Variants in CTNNA3 observed in about 807,000 individuals in gnomAD.
CTNNA3 encodes the protein catenin alpha-3.
A neutral mutation model predicts 95.7 loss-of-function variants in CTNNA3; 76 were observed. That is an observed-to-expected ratio of 0.79 (90% CI 0.66 to 0.96). CTNNA3 has a LOEUF of 0.96. Ranked by LOEUF, CTNNA3 falls within the 40% of genes least tolerant of loss-of-function variation. The pLI is 0.00. For synonymous variants in CTNNA3, 431 were observed against 374.4 expected (o/e 1.15, Z -1.74); for missense variants, 1,191 against 1,089.8 (o/e 1.09, Z -1.31).
At chr10:66,485,245 G>T (rs577329856) in intron 11 of CTNNA3, among the ~76,000 whole-genome samples, 1 of 152,184 alleles carries the variant, frequency 6.6e-6, no homozygotes, top group South Asian at 2.1e-4. Flanking sequence ...AATCAGGCAA[G>T]AAATTGTTTT....
intron 9 of CTNNA3, among the ~76,000 whole-genome samples, chr10:66,653,016 C>T (rs943564924): frequency 2.0e-5 from 3 of 152,050 alleles, no homozygotes; most frequent in Non-Finnish European, 4.4e-5. Flanking sequence ...TATGACAAAT[C>T]CATGGCTAAT....
intron 12 of CTNNA3, among the ~76,000 whole-genome samples, chr10:66,378,446 C>A (rs1168174470): frequency 6.6e-6 from 1 of 152,130 alleles, no homozygotes; most frequent in African/African-American, 2.4e-5. Flanking sequence ...GGAAGGAGTT[C>A]TGCTATCATG....
At chr10:67,698,600 A>G (rs1251069367), upstream of CTNNA3, among the ~76,000 whole-genome samples, 1 of 152,162 alleles carries the variant, frequency 6.6e-6, no homozygotes, top group Non-Finnish European at 1.5e-5. Context: ...CCATGAGTCC[A>G]TTTCATCTGT....
chr10:66,646,126 C>T (rs1375425728), intron 9 of CTNNA3, among the ~76,000 whole-genome samples: 2 of 151,808 alleles, frequency 1.3e-5, no homozygotes, highest in African/African-American at 4.8e-5. Flanking sequence ...CTTTTGGGAA[C>T]TATAATGAAA....
rs560392905 is a variant in CTNNA3, at chr10:67,104,524, C to T, written c.1047+75793G>A. 2.0e-5 allele frequency among the ~76,000 whole-genome samples: 3 copies of T among 152,030 alleles called. No homozygotes were observed. In the South Asian group the frequency reaches 6.2e-4, roughly 32 times the overall value. The stretch of plus-strand genomic sequence containing the variant: ...ATTTTTTGAAACTTATTTTTAAACT[C>T]ACATCTTGAAAAACATCTTCCTCAG... On this transcript the variant is annotated intron_variant, in intron 7 of 17. Transcript: ENST00000433211.
At chr10:67,264,128 C>T (rs1282855462) in intron 5 of CTNNA3, among the ~76,000 whole-genome samples, 2 of 151,870 alleles carry the variant, frequency 1.3e-5, no homozygotes, top group South Asian at 2.1e-4. Flanking sequence ...ATTAAGGACA[C>T]ATGATGGGTT....
chr10:67,216,347 T>TAA (rs923715314), intron 6 of CTNNA3, among the ~76,000 whole-genome samples: 4 of 152,278 alleles, frequency 2.6e-5, no homozygotes, highest in Admixed American at 1.3e-4. Context: ...GTGTATCACT[T>TAA]ACATGTGCTT....
intron 3 of CTNNA3, among the ~76,000 whole-genome samples, chr10:67,563,024 T>C (rs1287846877): frequency 6.6e-6 from 1 of 152,080 alleles, no homozygotes; most frequent in Non-Finnish European, 1.5e-5. Flanking sequence ...TCCATGCTCA[T>C]GGGTAGGAAG....
At chr10:66,365,776 C>CTCTT (rs71466869) in intron 12 of CTNNA3, among the ~76,000 whole-genome samples, 68,647 of 151,182 alleles carry the variant, frequency 0.45, 17,810 homozygotes, top group Non-Finnish European at 0.59. Flanking sequence ...CTCTCTCTCT[C>CTCTT]TCTCTCATCT....
At chr10:66,734,277 A>G (rs1420091153) in intron 9 of CTNNA3, among the ~76,000 whole-genome samples, 1 of 151,728 alleles carries the variant, frequency 6.6e-6, no homozygotes, top group African/African-American at 2.4e-5. Context: ...TCTAAACAAC[A>G]CCTTTTAAGT....
chr10:66,963,657 T>C (rs895589208), intron 7 of CTNNA3, among the ~76,000 whole-genome samples: 7 of 151,884 alleles, frequency 4.6e-5, no homozygotes, highest in African/African-American at 1.7e-4. Flanking sequence ...CTTTTCAGGG[T>C]AAGGTATAGA....
At chr10:66,251,103 T>C (rs190625053) in intron 13 of CTNNA3, among the ~76,000 whole-genome samples, 10 of 152,174 alleles carry the variant, frequency 6.6e-5, no homozygotes, top group African/African-American at 2.2e-4. Context: ...CAGTGATCCA[T>C]GCACCAGGAA....
At chr10:66,246,842 A>G (rs2132056351) in intron 13 of CTNNA3, among the ~76,000 whole-genome samples, 1 of 151,762 alleles carries the variant, frequency 6.6e-6, no homozygotes, top group South Asian at 2.1e-4. Context: ...CACGAGGTCA[A>G]GAGATCAAGA....
chr10:66,145,005 G>A (rs2083807946), intron 13 of CTNNA3, among the ~76,000 whole-genome samples: 1 of 75,146 alleles, frequency 1.3e-5, no homozygotes, highest in African/African-American at 6.4e-5. Context: ...CCCTACTTTT[G>A]TATAAAAAGT....
At chr10:67,439,187 A>G (rs959884490) in intron 5 of CTNNA3, among the ~76,000 whole-genome samples, 2 of 152,116 alleles carry the variant, frequency 1.3e-5, no homozygotes, top group Non-Finnish European at 2.9e-5. Context: ...TTTGCCTTGC[A>G]TCTAGAATAC....
chr10:66,681,600 C>T (rs1037216774), intron 9 of CTNNA3, among the ~76,000 whole-genome samples: 1 of 152,104 alleles, frequency 6.6e-6, no homozygotes, highest in African/African-American at 2.4e-5. Context: ...ACCTTAGGCT[C>T]TTGTAGCAAA....
At chr10:67,429,364 T>C (rs1164334871) in intron 5 of CTNNA3, among the ~76,000 whole-genome samples, 1 of 151,998 alleles carries the variant, frequency 6.6e-6, no homozygotes, top group Non-Finnish European at 1.5e-5. Context: ...AAATAACAAA[T>C]TACAATTTGA....
chr10:67,210,707 G>T (rs7090092), intron 6 of CTNNA3, among the ~76,000 whole-genome samples: 7 of 149,808 alleles, frequency 4.7e-5, no homozygotes, highest in African/African-American at 1.7e-4. Context: ...TTCTATACAT[G>T]AAATCAACTT....
At chr10:66,530,380 A>G (rs373385497) in intron 10 of CTNNA3, among the ~76,000 whole-genome samples, 8 of 152,312 alleles carry the variant, frequency 5.3e-5, no homozygotes, top group African/African-American at 7.2e-5. Context: ...ATCAAATTCA[A>G]TGCTCTAACT....
Sources: allele counts gnomAD v4.1 joint callset (sites outside exome capture counted in the v4.1 genomes callset), GRCh38; gene constraint gnomAD v4.1.1; transcripts MANE v1.5; gene names NCBI Gene and HGNC (gene_info 2026-07-23, HGNC 2026-07-21).